The following TFDP1 variants were observed in gnomAD, a reference collection of about 807,000 sequenced individuals.
The protein encoded by TFDP1 is transcription factor Dp-1, also known as DRTF1-polypeptide 1.
A neutral mutation model predicts 48.0 loss-of-function variants in TFDP1; 6 were observed. That is an observed-to-expected ratio of 0.13 (90% CI 0.07 to 0.25). The LOEUF is 0.25. TFDP1 is among the 10% of genes least tolerant of loss of function. TFDP1 has a pLI of 1.00. For missense variants in TFDP1, 335 were observed against 543.0 expected (o/e 0.62, Z 3.81); for synonymous variants, 201 against 211.6 (o/e 0.95, Z 0.44).
At chr13:113,622,907 C>T (rs1425702613) in intron 3 of TFDP1, among the ~76,000 whole-genome samples, 2 of 152,272 alleles carry the variant, frequency 1.3e-5, no homozygotes, top group Non-Finnish European at 2.9e-5. Context: ...CAGCACGTTC[C>T]ATAGCAGACA....
At chr13:113,630,972 C>A (rs2049320493) in intron 4 of TFDP1, among the ~76,000 whole-genome samples, 1 of 152,184 alleles carries the variant, frequency 6.6e-6, no homozygotes, top group Admixed American at 6.5e-5. Context: ...CTTCCGCCCC[C>A]AGTGCTGGTG....
At chr13:113,608,363 C>T (rs935146624) in intron 2 of TFDP1, among the ~76,000 whole-genome samples, 4 of 152,216 alleles carry the variant, frequency 2.6e-5, no homozygotes, top group Admixed American at 1.3e-4. Context: ...GCCTGAACCA[C>T]GGTTGCCACA....
Position 113,623,788 on chromosome 13 carries a change from TG to T in TFDP1, c.186+505del, listed in dbSNP as rs545177705. Among the ~76,000 whole-genome samples, 38 of 152,142 alleles carry T rather than the reference TG, an allele frequency of 2.5e-4. 1 individual carries two copies. In the South Asian group the frequency reaches 7.9e-3, roughly 32 times the overall value. ...TGGCCACGCACAGGAGAGGGGAAGG[TG>T]GGCATTGGGAAGTGGCGCATCCCCC... On this transcript the variant is annotated intron_variant, in intron 4 of 11. Transcript: ENST00000375370. The surrounding 1 kb of genome is among the most constrained non-coding windows in gnomAD (Gnocchi z 5.2).
chr13:113,612,162 TG>T (rs2048724236), intron 3 of TFDP1, among the ~76,000 whole-genome samples: 1 of 152,246 alleles, frequency 6.6e-6, no homozygotes, highest in African/African-American at 2.4e-5. Flanking sequence ...CGTCCCTTTC[TG>T]TCCAGTGCTG....
At chr13:113,601,088 T>C (rs2048414187) in intron 2 of TFDP1, among the ~76,000 whole-genome samples, 1 of 152,202 alleles carries the variant, frequency 6.6e-6, no homozygotes, top group Non-Finnish European at 1.5e-5. Context: ...TCTTTTCTGC[T>C]GCATCCCTCC....
At chr13:113,605,982 G>A (rs1332730441) in intron 2 of TFDP1, among the ~76,000 whole-genome samples, 1 of 149,466 alleles carries the variant, frequency 6.7e-6, no homozygotes, top group Non-Finnish European at 1.5e-5. Flanking sequence ...CTGTGGGAAG[G>A]CGGCGTGGTG....
chr13:113,591,210 C>T (rs147585344), intron 2 of TFDP1, among the ~76,000 whole-genome samples: 2,513 of 146,468 alleles, frequency 0.017, 71 homozygotes, highest in African/African-American at 0.06. Context: ...GGCGTGGTGG[C>T]GGGCGCCTGT....
chr13:113,625,831 G>GTCTCACGCGTCCTCAGGTGTC (rs2049153142), intron 4 of TFDP1, among the ~76,000 whole-genome samples: 6 of 127,954 alleles, frequency 4.7e-5, no homozygotes, highest in African/African-American at 9.1e-5. Flanking sequence ...GTCCTCAGGT[G>GTCTCACGCGTCCTCAGGTGTC]TCTCACGCGT....
chr13:113,589,857 G>A (rs1335546116), intron 2 of TFDP1, among the ~76,000 whole-genome samples: 1 of 152,206 alleles, frequency 6.6e-6, no homozygotes, highest in Non-Finnish European at 1.5e-5. Flanking sequence ...TGCCTGCCCA[G>A]GCAGCATGAC....
At position 113,637,814 on chromosome 13, in the gene TFDP1, T is replaced by C. The variant is rs1263342629; in HGVS notation, c.1007-4T>C. On this transcript the variant is annotated splice_region_variant and splice_polypyrimidine_tract_variant and intron_variant, in intron 10 of 11. Transcript: ENST00000375370. ...CCATTCGCTTATTTTCTTTCCCTTT[T>C]CAGAAATGGCTCAGGGAACTGTTGG... The C allele has an allele frequency of 1.2e-6, 2 of 1,614,254 alleles. No individual in the cohort carries two copies. Among genetic ancestry groups the C allele is most frequent in the South Asian group, 1.1e-5 (1 of 91,092 alleles).
intron 4 of TFDP1, among the ~76,000 whole-genome samples, chr13:113,625,685 T>C (rs1215706878): frequency 6.4e-5 from 7 of 109,136 alleles, no homozygotes; most frequent in African/African-American, 1.8e-4. Flanking sequence ...GTCTCTCACG[T>C]GTCCTCAGGT....
intron 10 of TFDP1, 109 bp downstream of exon 10, chr13:113,636,809 C>T (rs2049503739): frequency 4.6e-6 from 6 of 1,301,246 alleles, no homozygotes; most frequent in South Asian, 1.5e-5. Context: ...ATCAGGCCCA[C>T]GTGTGTAGGG....
intron 2 of TFDP1, among the ~76,000 whole-genome samples, chr13:113,592,108 A>G (rs1238091133): frequency 6.6e-6 from 1 of 152,234 alleles, no homozygotes; most frequent in Non-Finnish European, 1.5e-5. Flanking sequence ...AGACTCAAGG[A>G]TGAAGAGTTA....
chr13:113,625,975 G>A (rs1009837240), intron 4 of TFDP1, among the ~76,000 whole-genome samples: 2 of 136,150 alleles, frequency 1.5e-5, no homozygotes, highest in East Asian at 4.4e-4. Context: ...CGTCTCTCAC[G>A]TGTCCTCAGG....
chr13:113,634,071 C>G, intron 7 of TFDP1, 38 bp downstream of exon 7: 1 of 1,613,902 alleles, frequency 6.2e-7, no homozygotes, highest in Non-Finnish European at 8.5e-7. Context: ...GATTTCCCTT[C>G]AAGTCCGTGT....
intron 4 of TFDP1, among the ~76,000 whole-genome samples, chr13:113,630,680 T>TA (rs1417817648): frequency 6.6e-6 from 1 of 152,236 alleles, no homozygotes; most frequent in Non-Finnish European, 1.5e-5. Flanking sequence ...CCAGTTTAGA[T>TA]AGAGTCGTGC....
In TFDP1 at chr13:113,637,777, T is replaced by C. The variant is rs368122591; in HGVS notation, c.1007-41T>C. 3.0e-5 allele frequency: 48 copies of C among 1,614,262 alleles called. No individual in the cohort carries two copies. The African/African-American group carries it at 4.7e-4, about 16-fold the overall frequency. ...GGTTGCCTGTGCGTCTTGTGTTGTT[T>C]CTGTTTCATGACCATTCGCTTATTT... On this transcript the variant is annotated intron_variant, in intron 10 of 11. Coordinates refer to ENST00000375370, the MANE Select transcript of TFDP1 (RefSeq NM_007111.5).
At position 113,636,122 on chromosome 13, in the gene TFDP1, A is replaced by G. The variant is rs781558044; in HGVS notation, c.833A>G (p.Asn278Ser). ...ACGGTCATCGACTGCAGCATCTCCA[A>G]TGACAAGTAGGTTGTGGGCGGGGAG... ...KKTVIDCSISNDKFEYLFNFD... is the reference protein window; with the variant it reads ...KKTVIDCSISSDKFEYLFNFD... Residue 278 changes from asparagine (N) to serine (S), a missense_variant, in exon 9 of 12, where the codon AAT (asparagine) becomes AGT (serine). By Grantham distance (46) the Asn-to-Ser change is conservative. This residue lies in a region of TFDP1 where 204 missense variants were observed against 287.1 expected (regional missense o/e 0.71). Coordinates refer to ENST00000375370, the MANE Select transcript of TFDP1 (RefSeq NM_007111.5). 12 of 1,614,000 alleles carry G rather than the reference A, an allele frequency of 7.4e-6. No homozygotes were observed. Among genetic ancestry groups the G allele is most frequent in the Admixed American group, 6.7e-5 (4 of 60,008 alleles).
chr13:113,617,778 G>T (rs1288701823), intron 3 of TFDP1, among the ~76,000 whole-genome samples: 2 of 152,194 alleles, frequency 1.3e-5, no homozygotes, highest in Non-Finnish European at 2.9e-5. Flanking sequence ...TAGACATCTG[G>T]CTCTGACAAC....
Sources: gnomAD v4.1 joint callset for allele counts (sites outside exome capture counted in the v4.1 genomes callset) on GRCh38, gnomAD v4.1.1 for gene constraint, gnomAD v4.1.1 regional missense constraint, Gnocchi (gnomAD v3.1) non-coding constraint, MANE v1.5 for transcripts, NCBI Gene and HGNC (gene_info 2026-07-23, HGNC 2026-07-21) for gene names.